Variants in PLSCR1 observed in about 807,000 individuals in gnomAD.
PLSCR1 encodes phospholipid scramblase 1.
A neutral mutation model predicts 37.8 loss-of-function variants in PLSCR1; 17 were observed. The observed-to-expected ratio is 0.45, with a 90% CI of 0.31 to 0.68. PLSCR1 has a LOEUF of 0.68. Among genes scored for constraint, PLSCR1 ranks in the 30% least tolerant of loss-of-function variants. The pLI is 0.06. For missense variants in PLSCR1, 347 were observed against 380.9 expected (o/e 0.91, Z 0.74); for synonymous variants, 116 against 125.9 (o/e 0.92, Z 0.53).
At chr3:146,530,740 G>A (rs1350865382) in intron 3 of PLSCR1, among the ~76,000 whole-genome samples, 2 of 152,230 alleles carry the variant, frequency 1.3e-5, no homozygotes, top group African/African-American at 4.8e-5. Flanking sequence ...AGGAAAGGCT[G>A]TTAGCAAAGC....
chr3:146,522,634 C>G (rs998491418), intron 5 of PLSCR1, among the ~76,000 whole-genome samples: 4 of 152,166 alleles, frequency 2.6e-5, no homozygotes, highest in Non-Finnish European at 5.9e-5. Context: ...GAAATATGGC[C>G]TCCTGGGAAG....
At chr3:146,538,320 G>C (rs780221621) in intron 1 of PLSCR1, among the ~76,000 whole-genome samples, 6 of 152,118 alleles carry the variant, frequency 3.9e-5, no homozygotes, top group Non-Finnish European at 5.9e-5. Context: ...TACATAAGAG[G>C]ACATGATTTT....
At chr3:146,538,329 T>G (rs1330598829) in intron 1 of PLSCR1, among the ~76,000 whole-genome samples, 1 of 152,192 alleles carries the variant, frequency 6.6e-6, no homozygotes, top group Non-Finnish European at 1.5e-5. Context: ...GGACATGATT[T>G]TTGTCAATCT....
intron 2 of PLSCR1, 100 bp downstream of exon 2, chr3:146,536,440 T>C: frequency 1.4e-6 from 1 of 713,352 alleles, no homozygotes; most frequent in Non-Finnish European, 2.5e-6. Flanking sequence ...AAACAAATTA[T>C]ACACTTTCAG....
chr3:146,528,888 CT>C (rs2044157076), intron 3 of PLSCR1, 57 bp from the exon 4 acceptor site: 3 of 1,295,406 alleles, frequency 2.3e-6, no homozygotes, highest in South Asian at 1.3e-5. Flanking sequence ...AATTGTCAAC[CT>C]TTTTAGGGTT....
At chr3:146,529,544 G>A (rs1318307469) in intron 3 of PLSCR1, among the ~76,000 whole-genome samples, 1 of 146,356 alleles carries the variant, frequency 6.8e-6, no homozygotes, top group Non-Finnish European at 1.5e-5. Flanking sequence ...ACAGAGTCTT[G>A]CTCTGTCGCC....
intron 5 of PLSCR1, among the ~76,000 whole-genome samples, chr3:146,524,744 AT>A (rs2044082542): frequency 6.6e-6 from 1 of 152,204 alleles, no homozygotes; most frequent in African/African-American, 2.4e-5. Flanking sequence ...TGCTTTACAA[AT>A]AACTTCAATG....
intron 3 of PLSCR1, 115 bp downstream of exon 3, chr3:146,533,355 A>G (rs2044223195): frequency 2.0e-6 from 1 of 503,032 alleles, no homozygotes; most frequent in African/African-American, 1.9e-5. Context: ...AAGAACTACT[A>G]AAATAAAAAC....
chr3:146,524,292 T>G (rs1458043221), intron 5 of PLSCR1, among the ~76,000 whole-genome samples: 2 of 152,214 alleles, frequency 1.3e-5, no homozygotes, highest in Non-Finnish European at 2.9e-5. Flanking sequence ...GTTTATATTT[T>G]TATTGTCTTC....
Position 146,528,599 on chromosome 3 carries a change from T to G in PLSCR1, c.312+15A>C, listed in dbSNP as rs372755858. 6.3e-7 allele frequency: 1 copy of G among 1,594,100 alleles called. No individual in the cohort carries two copies. Among genetic ancestry groups the G allele is most frequent in the Non-Finnish European group, 8.6e-7 (1 of 1,161,778 alleles). On this transcript the variant is annotated intron_variant, in intron 4 of 8. Transcript: ENST00000342435. ...AGTTCTGTTTTTTATGAGTATTTTG[T>G]GTCTTTGAAATTACCTGACTTAAAT...
intron 5 of PLSCR1, among the ~76,000 whole-genome samples, chr3:146,524,434 CA>C (rs1048061374): frequency 2.9e-4 from 41 of 140,040 alleles, no homozygotes; most frequent in African/African-American, 8.4e-4. Flanking sequence ...GAAAAAGAAA[CA>C]AAAAAAAAAC....
Position 146,536,579 on chromosome 3 carries a change from T to C in PLSCR1, c.-13-14A>G. The C allele has an allele frequency of 6.8e-7, 1 of 1,465,852 alleles. No homozygotes were observed. The highest frequency in any genetic ancestry group is 9.6e-7 in the Non-Finnish European group (1 of 1,045,816). The allele number at this position is 1,465,852 out of a possible 1,614,324, so 90.8% of individuals were successfully genotyped here. On this transcript the variant is annotated splice_polypyrimidine_tract_variant and intron_variant, in intron 1 of 8. Coordinates refer to ENST00000342435, the MANE Select transcript of PLSCR1 (RefSeq NM_021105.3). ...ATTAAAACAGTTCTGAAAAAGAAGA[T>C]CTGACATTAACACACTGTCTACAAG...
chr3:146,541,934 T>C (rs1181764929), intron 1 of PLSCR1, among the ~76,000 whole-genome samples: 2 of 152,182 alleles, frequency 1.3e-5, no homozygotes, highest in Non-Finnish European at 2.9e-5. Context: ...CTTTCCACCA[T>C]GGGATGATGC....
At chr3:146,528,529 G>A (rs780504347) in intron 4 of PLSCR1, 85 bp downstream of exon 4, 1 of 1,053,804 alleles carries the variant, frequency 9.5e-7, no homozygotes, top group Non-Finnish European at 1.5e-6. Flanking sequence ...TTCAGACTTT[G>A]GTGAATTATT....
chr3:146,530,878 A>AT (rs1337614076), intron 3 of PLSCR1, among the ~76,000 whole-genome samples: 1 of 152,204 alleles, frequency 6.6e-6, no homozygotes, highest in Non-Finnish European at 1.5e-5. Context: ...ATCTTACAAA[A>AT]TTTTCAGGAG....
At chr3:146,516,182 T>C (rs181940981) in intron 8 of PLSCR1, 81 bp from the exon 9 acceptor site, 2 of 808,136 alleles carry the variant, frequency 2.5e-6, no homozygotes, top group East Asian at 2.6e-5. Flanking sequence ...TACTAAGGGA[T>C]CTAGTGAAAC....
At chr3:146,527,334 T>C (rs1056200841) in intron 4 of PLSCR1, among the ~76,000 whole-genome samples, 2 of 152,184 alleles carry the variant, frequency 1.3e-5, no homozygotes, top group Non-Finnish European at 2.9e-5. Flanking sequence ...AAGAGAGGAT[T>C]TGGAATGTTC....
chr3:146,531,943 G>A lies in PLSCR1; in HGVS notation c.94+1527C>T, dbSNP rs79863165. 3.8e-3 allele frequency among the ~76,000 whole-genome samples: 584 copies of A among 152,150 alleles called. 4 individuals carry two copies. The highest frequency in any genetic ancestry group is 0.013 in the African/African-American group (535 of 41,508). On this transcript the variant is annotated intron_variant, in intron 3 of 8. Coordinates refer to ENST00000342435, the MANE Select transcript of PLSCR1 (RefSeq NM_021105.3). ...GCCTCAGCTTTCCCACATACATAAT[G>A]GGGATAACTGACAGTATTTACCTCA...
chr3:146,531,757 A>G (rs1172672964), intron 3 of PLSCR1, among the ~76,000 whole-genome samples: 1 of 152,168 alleles, frequency 6.6e-6, no homozygotes, highest in Non-Finnish European at 1.5e-5. Context: ...TATCACCCTT[A>G]TTTATAGATA....
Sources: gnomAD v4.1 joint callset for allele counts (sites outside exome capture counted in the v4.1 genomes callset) on GRCh38, gnomAD v4.1.1 for gene constraint, MANE v1.5 for transcripts, NCBI Gene and HGNC (gene_info 2026-07-23, HGNC 2026-07-21) for gene names.